TRPM3: variants seen among roughly 807,000 people sequenced by gnomAD.
TRPM3 encodes the protein long transient receptor potential channel 3.
Under a neutral mutation model 181.2 loss-of-function variants are expected in TRPM3, and 77 were observed. The ratio of observed to expected loss-of-function variants is 0.42; its 90% CI spans 0.35 to 0.51. TRPM3 has a LOEUF of 0.51. TRPM3 is among the 20% of genes least tolerant of loss of function. The pLI is 0.01. For synonymous variants in TRPM3, 745 were observed against 796.4 expected, an observed-to-expected ratio of 0.94 and a Z score of 1.09; for missense variants, 1,759 against 2,196.7, an observed-to-expected ratio of 0.80 and a Z score of 3.98.
intron 8 of TRPM3, among the ~76,000 whole-genome samples, chr9:70,759,081 A>G (rs1201893436): frequency 6.6e-6 from 1 of 152,236 alleles, no homozygotes; most frequent in Non-Finnish European, 1.5e-5. Flanking sequence ...CAATCTATCC[A>G]TCTGACAAAG....
intron 1 of TRPM3, among the ~76,000 whole-genome samples, chr9:70,872,995 G>T (rs2132587332): frequency 6.6e-6 from 1 of 151,972 alleles, no homozygotes; most frequent in South Asian, 2.1e-4. Context: ...ACAAGGAATG[G>T]CTAAACCTGC....
intron 8 of TRPM3, among the ~76,000 whole-genome samples, chr9:70,748,724 C>G (rs1333397164): frequency 6.6e-6 from 1 of 152,084 alleles, no homozygotes; most frequent in Non-Finnish European, 1.5e-5. Context: ...CTGCCAGAGT[C>G]TTGATCTTGG....
intron 24 of TRPM3, among the ~76,000 whole-genome samples, chr9:70,551,454 C>G (rs893882235): frequency 2.6e-5 from 4 of 152,210 alleles, no homozygotes; most frequent in Non-Finnish European, 4.4e-5. Context: ...AAACCCTGAA[C>G]AGCAACTGCA....
chr9:70,950,129 T>C (rs947912968), intron 1 of TRPM3, among the ~76,000 whole-genome samples: 9 of 152,226 alleles, frequency 5.9e-5, no homozygotes, highest in African/African-American at 1.7e-4. Flanking sequence ...TGGTAAAGTC[T>C]GTATAGTATT....
intron 1 of TRPM3, among the ~76,000 whole-genome samples, chr9:71,170,248 C>T (rs556170393): frequency 2.0e-5 from 3 of 151,714 alleles, no homozygotes; most frequent in Non-Finnish European, 4.4e-5. Flanking sequence ...ATAGAGAACA[C>T]GAAGATGAAG....
At chr9:71,164,936 T>C (rs993096601) in intron 1 of TRPM3, among the ~76,000 whole-genome samples, 4 of 152,212 alleles carry the variant, frequency 2.6e-5, no homozygotes, top group African/African-American at 9.6e-5. Flanking sequence ...GGTCCAACAA[T>C]ATAAAGTTTC....
chr9:71,126,513 T>C (rs528959637), upstream of TRPM3, among the ~76,000 whole-genome samples: 3 of 152,344 alleles, frequency 2.0e-5, no homozygotes, highest in African/African-American at 7.2e-5. Context: ...TTAGATCTCT[T>C]TATAGATTCC....
intron 5 of TRPM3, among the ~76,000 whole-genome samples, chr9:70,828,237 T>C (rs1435870872): frequency 6.6e-6 from 1 of 152,234 alleles, no homozygotes; most frequent in African/African-American, 2.4e-5. Context: ...TATTTATTTA[T>C]TTACTGAAAT....
At chr9:70,876,242 T>A (rs1237215083) in intron 1 of TRPM3, among the ~76,000 whole-genome samples, 1 of 151,272 alleles carries the variant, frequency 6.6e-6, no homozygotes, top group East Asian at 2.0e-4. Flanking sequence ...ATATTTTACA[T>A]CCTAGAAGAC....
intron 17 of TRPM3, among the ~76,000 whole-genome samples, chr9:70,617,971 A>C (rs2063044668): frequency 6.6e-6 from 1 of 152,152 alleles, no homozygotes; most frequent in Non-Finnish European, 1.5e-5. Flanking sequence ...TCTCAAAAAC[A>C]AAACAAAACA....
At chr9:71,044,734 C>G (rs1395037306) in intron 1 of TRPM3, among the ~76,000 whole-genome samples, 2 of 152,186 alleles carry the variant, frequency 1.3e-5, no homozygotes, top group South Asian at 4.2e-4. Flanking sequence ...TGCAGTGGCG[C>G]GGCCTCGGCT....
At chr9:70,851,113 G>A (rs143204228) in intron 3 of TRPM3, among the ~76,000 whole-genome samples, 223 of 152,092 alleles carry the variant, frequency 1.5e-3, no homozygotes, top group Non-Finnish European at 2.4e-3. Flanking sequence ...TAGCCACTGC[G>A]CCACTACACT....
At chr9:70,783,641 C>T (rs947146674) in intron 7 of TRPM3, among the ~76,000 whole-genome samples, 4 of 152,106 alleles carry the variant, frequency 2.6e-5, no homozygotes, top group East Asian at 3.9e-4. Context: ...CCTGATGGCA[C>T]GATCTACCAC....
At chr9:70,849,433 C>A (rs2095132879) in intron 3 of TRPM3, among the ~76,000 whole-genome samples, 1 of 152,080 alleles carries the variant, frequency 6.6e-6, no homozygotes, top group South Asian at 2.1e-4. Flanking sequence ...GCGTGAGCCA[C>A]CACACCTGGC....
chr9:70,562,338 T>C (rs1185642196), intron 22 of TRPM3, among the ~76,000 whole-genome samples: 1 of 152,332 alleles, frequency 6.6e-6, no homozygotes, highest in Non-Finnish European at 1.5e-5. Flanking sequence ...AGGAGCCAAC[T>C]GTAGGCCACT....
At chr9:71,389,607 T>C (rs1219852015) in intron 1 of TRPM3, among the ~76,000 whole-genome samples, 1 of 152,086 alleles carries the variant, frequency 6.6e-6, no homozygotes, top group Non-Finnish European at 1.5e-5. Flanking sequence ...AACAAGTGGA[T>C]AAATAAACTG....
At chr9:70,569,273 A>T (rs2051520884) in intron 22 of TRPM3, among the ~76,000 whole-genome samples, 1 of 152,186 alleles carries the variant, frequency 6.6e-6, no homozygotes, top group Admixed American at 6.5e-5. Flanking sequence ...TGGACCCAAG[A>T]ATAAGCAGTC....
chr9:71,195,461 C>T (rs1370206361), intron 1 of TRPM3, among the ~76,000 whole-genome samples: 1 of 151,894 alleles, frequency 6.6e-6, no homozygotes, highest in Non-Finnish European at 1.5e-5. Flanking sequence ...CAAAAAATAA[C>T]AGGTGCCAGT....
chr9:71,042,988 G>T (rs2059004102), intron 1 of TRPM3, among the ~76,000 whole-genome samples: 1 of 152,128 alleles, frequency 6.6e-6, no homozygotes, highest in South Asian at 2.1e-4. Flanking sequence ...ATTAATTCCT[G>T]TTTCTTGCGA....
Sources: gnomAD v4.1 joint callset for allele counts (sites outside exome capture counted in the v4.1 genomes callset) on GRCh38, gnomAD v4.1.1 for gene constraint, MANE v1.5 for transcripts, NCBI Gene and HGNC (gene_info 2026-07-23, HGNC 2026-07-21) for gene names.